MYO18A: variants seen among roughly 807,000 people sequenced by gnomAD.
MYO18A encodes myosin XVIIIA.
MYO18A carries 78 observed loss-of-function variants against 235.8 expected under a neutral mutation model. That is an observed-to-expected ratio of 0.33 (90% CI 0.28 to 0.40). The LOEUF is 0.40. Among genes scored for constraint, MYO18A ranks in the 10% least tolerant of loss-of-function variants. MYO18A has a pLI of 1.00. For synonymous variants in MYO18A, 977 were observed against 1,077.8 expected (o/e 0.91, Z 1.83); for missense variants, 2,215 against 2,699.3 (o/e 0.82, Z 3.98).
At chr17:29,170,406 C>T (rs2068375420) in intron 1 of MYO18A, among the ~76,000 whole-genome samples, 1 of 152,224 alleles carries the variant, frequency 6.6e-6, no homozygotes, top group Admixed American at 6.5e-5. Flanking sequence ...ATCAGATCTG[C>T]AATGCGACTG....
At chr17:29,093,644 C>A (rs1012765294) in intron 31 of MYO18A, among the ~76,000 whole-genome samples, 1 of 151,984 alleles carries the variant, frequency 6.6e-6, no homozygotes, top group Non-Finnish European at 1.5e-5. Flanking sequence ...GGTGGCTAGC[C>A]AAGACAGAGT....
chr17:29,146,731 G>C (rs1775363566), intron 2 of MYO18A, among the ~76,000 whole-genome samples: 1 of 152,192 alleles, frequency 6.6e-6, no homozygotes, highest in African/African-American at 2.4e-5. Context: ...TAGAAGATGG[G>C]GTGAGAGACA....
rs1414648840 is a variant in MYO18A at position 29,133,891 on chromosome 17, C to G, written c.1000-11638G>C. The G allele has an allele frequency of 6.2e-6, 8 of 1,286,992 alleles. No individual in the cohort carries two copies. In the Admixed American group the frequency reaches 9.2e-5, roughly 15 times the overall value. 79.7% of individuals were successfully genotyped at this position (1,286,992 alleles called of 1,614,324 possible). ...AGAGAAGAAATGGGGGGCAGGGTCT[C>G]TCAGTGTCTCTGAGTCTTCCCAAAG... On this transcript the variant is annotated intron_variant, in intron 2 of 41. Transcript: ENST00000527372.
intron 34 of MYO18A, among the ~76,000 whole-genome samples, chr17:29,092,092 A>G (rs533996190): frequency 4.6e-5 from 7 of 152,184 alleles, no homozygotes; most frequent in Non-Finnish European, 7.4e-5. Flanking sequence ...AAGCTCCCGT[A>G]GGCAGGTGGT....
At chr17:29,127,126 C>T (rs1035492235) in intron 2 of MYO18A, among the ~76,000 whole-genome samples, 3 of 152,220 alleles carry the variant, frequency 2.0e-5, no homozygotes, top group Admixed American at 6.5e-5. Context: ...CTTCTGGTTA[C>T]TTAAAACCCT....
rs758293569 is a variant in MYO18A at position 29,121,930 on chromosome 17, T to G, written c.1115A>C (p.Asn372Thr). ...CACACGCACCTTCCCCTCAGGCAAG[T>G]TGAGCTCCTCAGATTTGAGTTGACT... ...LASQLKSEELNLPEGKVRVKL... is the reference protein window; with the variant it reads ...LASQLKSEELTLPEGKVRVKL... Residue 372 changes from asparagine to threonine, a missense_variant, in exon 4 of 42, where the codon AAC becomes ACC. Transcript: ENST00000527372. The surrounding 1 kb of genome is among the most constrained non-coding windows in gnomAD (Gnocchi z 4.2). The G allele has an allele frequency of 3.7e-6, 6 of 1,613,880 alleles. No individual in the cohort carries two copies. In the South Asian group the frequency reaches 6.6e-5, roughly 18 times the overall value.
intron 26 of MYO18A, 136 bp from the exon 27 acceptor site, chr17:29,097,486 T>C: frequency 8.3e-7 from 1 of 1,211,622 alleles, no homozygotes; most frequent in Non-Finnish European, 1.2e-6. Context: ...AATGATGGCT[T>C]CCTCCCAAGG....
chr17:29,140,049 C>T lies in MYO18A; in HGVS notation c.1000-17796G>A, dbSNP rs911153067. ...GTCACAGCCTTGGGGGTGGATGCAA[C>T]CCCAGGAAACTGAGGTTCAGAAGAC... is the stretch of plus-strand genomic sequence containing the variant. On this transcript the variant is annotated intron_variant, in intron 2 of 41. Transcript: ENST00000527372. The surrounding 1 kb of genome is among the most constrained non-coding windows in gnomAD (Gnocchi z 4.2). Among the ~76,000 whole-genome samples the T allele has an allele frequency of 6.6e-6, 1 of 152,136 alleles. No homozygotes were observed. The highest frequency in any genetic ancestry group is 1.5e-5 in the Non-Finnish European group (1 of 68,020).
At chr17:29,141,184 A>G (rs553388584) in intron 2 of MYO18A, among the ~76,000 whole-genome samples, 1 of 152,274 alleles carries the variant, frequency 6.6e-6, no homozygotes, top group African/African-American at 2.4e-5. Context: ...CAGACAGAGG[A>G]AGTCATGGGT....
rs774422272 is a variant in MYO18A, at chr17:29,114,018, T to C, written c.2591A>G (p.Gln864Arg). The C allele has an allele frequency of 6.3e-7, 1 of 1,596,974 alleles. No homozygotes were observed. Among genetic ancestry groups the C allele is most frequent in the Middle Eastern group, 1.7e-4 (1 of 6,040 alleles). ...CCTCTCTGGAGCTCCTACCAGGGACTGATGGGAGGCCTGGTCCACAGCAGC... is the reference window on the plus strand; with the variant it reads ...CCTCTCTGGAGCTCCTACCAGGGACCGATGGGAGGCCTGGTCCACAGCAGC... The part of the protein sequence containing the change: ...SVAAVDQASH[Q>R]SLVRSLARTD... The change falls in exon 15 of 42, where the codon CAG (glutamine) becomes CGG (arginine). Residue 864 changes from glutamine (Q) to arginine (R), a missense_variant. Physicochemically the swap from Gln to Arg is conservative, Grantham distance 43. Transcript: ENST00000527372.
intron 2 of MYO18A, among the ~76,000 whole-genome samples, chr17:29,131,947 T>C (rs1157810891): frequency 6.6e-6 from 1 of 152,246 alleles, no homozygotes; most frequent in East Asian, 1.9e-4. Flanking sequence ...GGGCTGGCTC[T>C]GGCTTACTTC....
intron 2 of MYO18A, chr17:29,128,423 C>T: frequency 7.8e-7 from 1 of 1,289,398 alleles, no homozygotes; most frequent in Non-Finnish European, 1.0e-6. Flanking sequence ...AGCTCCCGGG[C>T]CGTTCATGGC....
In MYO18A at chr17:29,071,154, G is replaced by A. The variant is rs187953478; in HGVS notation, c.*3616C>T. 23 of 152,350 alleles carry A rather than the reference G, an allele frequency of 1.5e-4. No individual in the cohort carries two copies. Among genetic ancestry groups the A allele is most frequent in the Admixed American group, 1.4e-3 (22 of 15,292 alleles). The allele number at this position is 152,350 out of a possible 1,614,324, so 9.4% of individuals were successfully genotyped here. On this transcript the variant is annotated 3_prime_UTR_variant, in exon 42 of 42. Transcript: ENST00000527372. ...GTCACTGCCTGCCACTTTATTTTCT[G>A]GGCACAGACTGGGCACCATGGGGAG...
chr17:29,083,014 C>CA (rs1168605132), intron 40 of MYO18A, among the ~76,000 whole-genome samples: 1 of 145,976 alleles, frequency 6.9e-6, no homozygotes, highest in East Asian at 2.0e-4. Flanking sequence ...TAAGGAGGCC[C>CA]AGGCCACATC....
At chr17:29,130,707 G>A (rs2067451240) in intron 2 of MYO18A, among the ~76,000 whole-genome samples, 1 of 152,180 alleles carries the variant, frequency 6.6e-6, no homozygotes, top group South Asian at 2.1e-4. Flanking sequence ...GGGCACTCCT[G>A]CCCCCTGTGC....
chr17:29,160,817 T>C (rs2068155688), intron 2 of MYO18A, among the ~76,000 whole-genome samples: 1 of 152,194 alleles, frequency 6.6e-6, no homozygotes, highest in Non-Finnish European at 1.5e-5. Context: ...ACTAGCAGCC[T>C]CACGGTCCAC....
chr17:29,123,438 T>G (rs1446798646), intron 2 of MYO18A, among the ~76,000 whole-genome samples: 2 of 152,190 alleles, frequency 1.3e-5, no homozygotes, highest in African/African-American at 4.8e-5. Flanking sequence ...CCTGACCCCC[T>G]GGGTGAGAAA....
At chr17:29,114,310 A>G (rs1313950198) in intron 14 of MYO18A, 1 of 547,634 alleles carries the variant, frequency 1.8e-6, no homozygotes, top group East Asian at 3.2e-5. Context: ...TTTTATCCGA[A>G]GCCAGAGTCA....
intron 2 of MYO18A, among the ~76,000 whole-genome samples, chr17:29,149,144 C>T (rs996584951): frequency 1.3e-5 from 2 of 152,242 alleles, no homozygotes; most frequent in East Asian, 3.9e-4. Flanking sequence ...GGAGCTCCGG[C>T]CCGAGGGGGC....
Sources: allele counts gnomAD v4.1 joint callset (sites outside exome capture counted in the v4.1 genomes callset), GRCh38; gene constraint gnomAD v4.1.1; non-coding constraint Gnocchi (gnomAD v3.1); transcripts MANE v1.5; gene names NCBI Gene and HGNC (gene_info 2026-07-23, HGNC 2026-07-21).